The following TAFA1 variants were observed in gnomAD, a reference collection of about 807,000 sequenced individuals.
TAFA1 encodes the protein chemokine-like protein TAFA-1.
A neutral mutation model predicts 18.5 loss-of-function variants in TAFA1; 4 were observed. The observed-to-expected ratio is 0.22, with a 90% CI of 0.11 to 0.49. TAFA1 has a LOEUF of 0.49. Among genes scored for constraint, TAFA1 ranks in the 20% least tolerant of loss-of-function variants. The pLI, the probability that TAFA1 is intolerant of heterozygous loss-of-function variation, is 0.98. For missense variants in TAFA1, 147 were observed against 169.0 expected, an observed-to-expected ratio of 0.87 and a Z score of 0.72; for synonymous variants, 56 against 55.2, an observed-to-expected ratio of 1.01 and a Z score of -0.06.
chr3:68,285,286 G>A (rs1442683104), intron 2 of TAFA1, among the ~76,000 whole-genome samples: 1 of 152,100 alleles, frequency 6.6e-6, no homozygotes, highest in East Asian at 1.9e-4. Context: ...TGAATTGTAG[G>A]GACATAAAGG....
At chr3:68,239,906 C>T (rs1575699531) in intron 2 of TAFA1, among the ~76,000 whole-genome samples, 1 of 152,160 alleles carries the variant, frequency 6.6e-6, no homozygotes, top group African/African-American at 2.4e-5. Flanking sequence ...TATATAATAG[C>T]ACCTTATAAA....
At chr3:68,053,052 G>A (rs1265947826) in intron 2 of TAFA1, among the ~76,000 whole-genome samples, 1 of 152,268 alleles carries the variant, frequency 6.6e-6, no homozygotes, top group East Asian at 1.9e-4. Context: ...AATCAAAAGT[G>A]TGTGGGTACC....
chr3:68,228,227 C>T (rs571312858), intron 2 of TAFA1, among the ~76,000 whole-genome samples: 2 of 152,192 alleles, frequency 1.3e-5, no homozygotes, highest in East Asian at 3.9e-4. Flanking sequence ...GTTCTTTTTC[C>T]TAATTTTTAT....
intron 2 of TAFA1, among the ~76,000 whole-genome samples, chr3:68,176,561 T>C (rs2066128844): frequency 6.6e-6 from 1 of 152,232 alleles, no homozygotes; most frequent in South Asian, 2.1e-4. Flanking sequence ...TTTGCATTAG[T>C]TCAAATACTT....
chr3:68,370,916 C>T (rs2069694453), intron 2 of TAFA1, among the ~76,000 whole-genome samples: 1 of 150,626 alleles, frequency 6.6e-6, no homozygotes, highest in African/African-American at 2.4e-5. Context: ...GGGGTATAAT[C>T]TTCTAGAACA....
intron 2 of TAFA1, among the ~76,000 whole-genome samples, chr3:68,037,656 C>T (rs995266881): frequency 6.6e-6 from 1 of 152,062 alleles, no homozygotes; most frequent in African/African-American, 2.4e-5. Flanking sequence ...TTAATCTTTT[C>T]CTCTGGTATG....
intron 2 of TAFA1, among the ~76,000 whole-genome samples, chr3:68,344,644 G>T (rs1389772722): frequency 2.0e-5 from 3 of 152,104 alleles, no homozygotes; most frequent in Middle Eastern, 3.2e-3. Context: ...CCCTAGCTTT[G>T]TGACTTTGGG....
intron 2 of TAFA1, among the ~76,000 whole-genome samples, chr3:68,119,850 A>G (rs1197524282): frequency 5.9e-5 from 9 of 152,158 alleles, no homozygotes; most frequent in South Asian, 2.1e-4. Flanking sequence ...TGTTTTGGCT[A>G]TTTGGGTTTC....
chr3:68,395,153 C>T (rs1415823900), intron 2 of TAFA1, among the ~76,000 whole-genome samples: 1 of 151,958 alleles, frequency 6.6e-6, no homozygotes, highest in Non-Finnish European at 1.5e-5. Context: ...AAACACTTTT[C>T]AAAAGAAGAC....
At chr3:68,162,765 A>G (rs1248926882) in intron 2 of TAFA1, among the ~76,000 whole-genome samples, 1 of 152,248 alleles carries the variant, frequency 6.6e-6, no homozygotes, top group Non-Finnish European at 1.5e-5. Flanking sequence ...CAAGAGGCAG[A>G]AAAGCAAATA....
chr3:68,379,072 T>C (rs1163101521), intron 2 of TAFA1, among the ~76,000 whole-genome samples: 1 of 152,216 alleles, frequency 6.6e-6, no homozygotes, highest in Non-Finnish European at 1.5e-5. Context: ...TTCAGTTTTT[T>C]GAGGAATCAC....
At chr3:68,090,763 A>C (rs1433915741) in intron 2 of TAFA1, among the ~76,000 whole-genome samples, 9 of 152,196 alleles carry the variant, frequency 5.9e-5, no homozygotes, top group Non-Finnish European at 1.2e-4. Flanking sequence ...AGAATCAATT[A>C]ATCTGCCCAG....
chr3:68,524,642 T>G (rs2073078124), intron 3 of TAFA1, among the ~76,000 whole-genome samples: 1 of 151,850 alleles, frequency 6.6e-6, no homozygotes, highest in African/African-American at 2.4e-5. Context: ...TACTTTTCTA[T>G]GTTTCTAGGT....
rs190873105 is a variant in TAFA1, at chr3:68,311,845, A to C, written c.119-105435A>C. 3.4e-3 allele frequency among the ~76,000 whole-genome samples: 522 copies of C among 152,118 alleles called. 2 individuals are homozygous for C. The highest frequency in any genetic ancestry group is 5.8e-3 in the Non-Finnish European group (391 of 67,982). Reference sequence around the variant, plus strand: ...CTCCACTAGGAGTGCCCCACTAGGGACTCTGTGTGGAGCTGTGACCCTACA... The same window carrying C: ...CTCCACTAGGAGTGCCCCACTAGGGCCTCTGTGTGGAGCTGTGACCCTACA... On this transcript the variant is annotated intron_variant, in intron 2 of 4. Transcript: ENST00000478136.
In TAFA1 at chr3:68,170,049, TA is replaced by T. The variant is rs528167824; in HGVS notation, c.118+163307del. 1.4e-4 allele frequency among the ~76,000 whole-genome samples: 21 copies of T among 152,338 alleles called. No individual in the cohort carries two copies. The East Asian group carries it at 3.1e-3, about 22-fold the overall frequency. ...TGTAAATTTCTAGAGCTCTGGAAATTAACTAAGGGCTTATAACAGTCTAAGG... is the reference window on the plus strand; with the variant it reads ...TGTAAATTTCTAGAGCTCTGGAAATTACTAAGGGCTTATAACAGTCTAAGG... On this transcript the variant is annotated intron_variant, in intron 2 of 4. Coordinates refer to ENST00000478136, the MANE Select transcript of TAFA1 (RefSeq NM_213609.4).
chr3:68,469,166 C>T (rs1161171045), intron 3 of TAFA1, among the ~76,000 whole-genome samples: 1 of 150,964 alleles, frequency 6.6e-6, no homozygotes, highest in Admixed American at 6.6e-5. Flanking sequence ...ATATTTAAAA[C>T]ATTTTATAAA....
chr3:67,992,882 C>T, the TAFA1 span, among the ~76,000 whole-genome samples: 1 of 152,192 alleles, frequency 6.6e-6, no homozygotes. Flanking sequence ...AAATCCCCTC[C>T]TCCCCTGTGT....
chr3:68,096,826 G>A (rs1244298624), intron 2 of TAFA1, among the ~76,000 whole-genome samples: 2 of 152,106 alleles, frequency 1.3e-5, no homozygotes, highest in African/African-American at 4.8e-5. Flanking sequence ...GAATCGCAAA[G>A]CACTTTTATA....
chr3:68,468,774 T>C (rs938205207), intron 3 of TAFA1, among the ~76,000 whole-genome samples: 11 of 152,220 alleles, frequency 7.2e-5, no homozygotes, highest in Non-Finnish European at 1.5e-5. Flanking sequence ...ATGGGATTTT[T>C]TCACTGGGTA....
Sources: gnomAD v4.1 joint callset for allele counts (sites outside exome capture counted in the v4.1 genomes callset) on GRCh38, gnomAD v4.1.1 for gene constraint, MANE v1.5 for transcripts, NCBI Gene and HGNC (gene_info 2026-07-23, HGNC 2026-07-21) for gene names.